PARN: variants seen among roughly 807,000 people sequenced by gnomAD.
PARN encodes poly(A)-specific ribonuclease.
A neutral mutation model predicts 102.8 loss-of-function variants in PARN; 71 were observed. The observed-to-expected ratio is 0.69, with a 90% CI of 0.57 to 0.84. The LOEUF (loss-of-function observed/expected upper bound fraction) is 0.84. Among genes scored for constraint, PARN ranks in the 40% least tolerant of loss-of-function variants. PARN has a pLI of 0.00. For synonymous variants in PARN, 261 were observed against 252.9 expected, an observed-to-expected ratio of 1.03 and a Z score of -0.30; for missense variants, 782 against 760.9, an observed-to-expected ratio of 1.03 and a Z score of -0.33.
chr16:14,440,998 T>C (rs1243173276), intron 23 of PARN, among the ~76,000 whole-genome samples: 11 of 152,180 alleles, frequency 7.2e-5, no homozygotes, highest in African/African-American at 1.2e-4. Flanking sequence ...ATGACTTTCA[T>C]TGGGTACAAT....
At chr16:14,481,497 G>A (rs1193022560) in intron 22 of PARN, among the ~76,000 whole-genome samples, 1 of 152,190 alleles carries the variant, frequency 6.6e-6, no homozygotes, top group African/African-American at 2.4e-5. Context: ...TTTGAAAACA[G>A]ACACAAGGAA....
At position 14,573,105 on chromosome 16, in the gene PARN, C is replaced by T. The variant is rs142850801; in HGVS notation, c.1262+7769G>A. On this transcript the variant is annotated intron_variant, in intron 18 of 23. Coordinates refer to ENST00000437198, the MANE Select transcript of PARN (RefSeq NM_002582.4). ...GCTATGTTCCCCTGCCTGGTTTCAA[C>T]TCCTGGCCTCAAGCAATCCACCTCC... Among the ~76,000 whole-genome samples the T allele has an allele frequency of 1.6e-4, 25 of 152,134 alleles. No individual in the cohort carries two copies. The East Asian group carries it at 4.4e-3, about 27-fold the overall frequency.
chr16:14,513,708 T>TTC (rs2151640868), intron 21 of PARN, among the ~76,000 whole-genome samples: 1 of 152,302 alleles, frequency 6.6e-6, no homozygotes, highest in Non-Finnish European at 1.5e-5. Flanking sequence ...GAAAAGGCGC[T>TTC]TCATCATCGT....
At chr16:14,513,071 C>T (rs1195992992) in intron 21 of PARN, among the ~76,000 whole-genome samples, 3 of 151,942 alleles carry the variant, frequency 2.0e-5, no homozygotes, top group Non-Finnish European at 2.9e-5. Flanking sequence ...ATTACAGGTG[C>T]GTGCCACCAC....
chr16:14,488,250 T>A lies in PARN; in HGVS notation c.1481-5423A>T, dbSNP rs187545047. On this transcript the variant is annotated intron_variant, in intron 21 of 23. Transcript: ENST00000437198. ...TGCCGAAAAATTCACTCCAGATGGA[T>A]GAAGAGCTGAAATGTCAAAAGCAAA... Among the ~76,000 whole-genome samples the A allele has an allele frequency of 5.3e-5, 8 of 152,210 alleles. 1 individual carries two copies. In the East Asian group the frequency reaches 1.2e-3, roughly 22 times the overall value.
At chr16:14,559,871 AG>A (rs1011117532) in intron 18 of PARN, among the ~76,000 whole-genome samples, 1 of 152,196 alleles carries the variant, frequency 6.6e-6, no homozygotes, top group Admixed American at 6.5e-5. Flanking sequence ...GTGACTTGGC[AG>A]ACTGCGGCTC....
chr16:14,582,462 T>C (rs1969593296), intron 16 of PARN, among the ~76,000 whole-genome samples, 171 bp from the exon 17 acceptor site: 1 of 151,866 alleles, frequency 6.6e-6, no homozygotes, highest in Non-Finnish European at 1.5e-5. Flanking sequence ...GATAACAGAG[T>C]CACTGAAAAG....
intron 21 of PARN, chr16:14,501,409 C>A (rs1964586559): frequency 1.6e-5 from 1 of 60,716 alleles, no homozygotes; most frequent in African/African-American, 5.7e-5. Context: ...CCACTGCACT[C>A]CAGCCTGGGA....
chr16:14,511,904 G>T (rs147721526), intron 21 of PARN, among the ~76,000 whole-genome samples: 1 of 152,224 alleles, frequency 6.6e-6, no homozygotes, highest in African/African-American at 2.4e-5. Flanking sequence ...AGGTCTTTCT[G>T]TGTTACCTAC....
intron 4 of PARN, 40 bp from the exon 5 acceptor site, chr16:14,627,227 GC>G: frequency 6.4e-7 from 1 of 1,569,452 alleles, no homozygotes; most frequent in Non-Finnish European, 8.7e-7. Context: ...GTGACATTGT[GC>G]CACAAAAACG....
intron 22 of PARN, among the ~76,000 whole-genome samples, chr16:14,478,885 G>A (rs1254977683): frequency 2.0e-5 from 3 of 152,146 alleles, no homozygotes; most frequent in Non-Finnish European, 4.4e-5. Context: ...GGGTTCAAGT[G>A]ATTCTCCTGC....
chr16:14,591,328 T>C (rs1169863297), intron 13 of PARN, among the ~76,000 whole-genome samples: 52 of 151,042 alleles, frequency 3.4e-4, no homozygotes, highest in Admixed American at 3.4e-3. Context: ...GAGGCGGAGG[T>C]TGCAGTGAGC....
At chr16:14,471,888 T>C (rs567296927) in intron 22 of PARN, among the ~76,000 whole-genome samples, 5 of 152,362 alleles carry the variant, frequency 3.3e-5, no homozygotes, top group Admixed American at 1.3e-4. Context: ...TTGAAGCAAA[T>C]TGAAGCATGT....
At chr16:14,565,893 A>G (rs932560036) in intron 18 of PARN, among the ~76,000 whole-genome samples, 5 of 152,228 alleles carry the variant, frequency 3.3e-5, no homozygotes, top group Non-Finnish European at 5.9e-5. Context: ...TGCAGGTGAC[A>G]TACTGTGCAT....
chr16:14,582,305 G>A lies in PARN; in HGVS notation c.1082-14C>T. The A allele has an allele frequency of 6.4e-7, 1 of 1,573,872 alleles. No homozygotes were observed. Among genetic ancestry groups the A allele is most frequent in the Non-Finnish European group, 8.7e-7 (1 of 1,143,492 alleles). On this transcript the variant is annotated splice_polypyrimidine_tract_variant and intron_variant, in intron 16 of 23. Coordinates refer to ENST00000437198, the MANE Select transcript of PARN (RefSeq NM_002582.4). ...CTTCGGCACTTTCTAAGAAAAAAAAGGAAAAAGTTTTCCTCAAAACAAAGA... is the reference window on the plus strand; with the variant it reads ...CTTCGGCACTTTCTAAGAAAAAAAAAGAAAAAGTTTTCCTCAAAACAAAGA...
chr16:14,578,322 C>T (rs1188329942), intron 18 of PARN, among the ~76,000 whole-genome samples: 1 of 76,684 alleles, frequency 1.3e-5, no homozygotes, highest in Non-Finnish European at 2.4e-5. Flanking sequence ...GAGTGAGACT[C>T]TGTCTCACCA....
intron 22 of PARN, among the ~76,000 whole-genome samples, chr16:14,460,922 A>C (rs1221100064): frequency 1.3e-5 from 2 of 152,248 alleles, no homozygotes; most frequent in Non-Finnish European, 2.9e-5. Context: ...GAGAGAGAAC[A>C]GTAACTTCAT....
rs541247745 is a variant in PARN at position 14,605,776 on chromosome 16, T to C, written c.702+708A>G. 3.3e-5 allele frequency among the ~76,000 whole-genome samples: 5 copies of C among 152,338 alleles called. No homozygotes were observed. In the East Asian group the frequency reaches 9.6e-4, roughly 29 times the overall value. On this transcript the variant is annotated intron_variant, in intron 10 of 23. Transcript: ENST00000437198. ...CCATCACAATTCTATCAGTGTACCCTGTGTACTCAGGACAATAGCTGTGCT... is the reference window on the plus strand; with the variant it reads ...CCATCACAATTCTATCAGTGTACCCCGTGTACTCAGGACAATAGCTGTGCT...
chr16:14,583,648 C>CT (rs1233315014), intron 16 of PARN, among the ~76,000 whole-genome samples: 1 of 152,214 alleles, frequency 6.6e-6, no homozygotes, highest in African/African-American at 2.4e-5. Flanking sequence ...ATCTTGGCTG[C>CT]TTTAATACTT....
Sources: allele counts gnomAD v4.1 joint callset (sites outside exome capture counted in the v4.1 genomes callset), GRCh38; gene constraint gnomAD v4.1.1; transcripts MANE v1.5; gene names NCBI Gene and HGNC (gene_info 2026-07-23, HGNC 2026-07-21).